Variants in RIN3 observed in about 807,000 individuals in gnomAD.
RIN3 encodes RAB5 interacting protein 3.
Under a neutral mutation model 76.3 loss-of-function variants are expected in RIN3, and 54 were observed. The observed-to-expected ratio is 0.71, with a 90% CI of 0.57 to 0.89. The LOEUF (loss-of-function observed/expected upper bound fraction) is 0.89. RIN3 is among the 40% of genes least tolerant of loss of function. The probability of loss-of-function intolerance (pLI) is 0.00; values close to 1 mark genes in which losing one functional copy is unlikely to be tolerated. For synonymous variants in RIN3, 576 were observed against 564.0 expected, an observed-to-expected ratio of 1.02 and a Z score of -0.30; for missense variants, 1,256 against 1,322.1, an observed-to-expected ratio of 0.95 and a Z score of 0.78.
chr14:92,609,163 C>T (rs1885631524), intron 3 of RIN3, among the ~76,000 whole-genome samples: 1 of 152,156 alleles, frequency 6.6e-6, no homozygotes, highest in African/African-American at 2.4e-5. Flanking sequence ...TCCTGAAAAA[C>T]TGAACCTCTT....
intron 1 of RIN3, among the ~76,000 whole-genome samples, chr14:92,532,560 C>T (rs906350767): frequency 2.6e-5 from 4 of 152,164 alleles, no homozygotes; most frequent in Non-Finnish European, 5.9e-5. Context: ...CATGGTGCAA[C>T]TCCTCCCCTC....
At chr14:92,528,561 A>C (rs1896806630) in intron 1 of RIN3, among the ~76,000 whole-genome samples, 1 of 152,152 alleles carries the variant, frequency 6.6e-6, no homozygotes, top group Non-Finnish European at 1.5e-5. Context: ...CACAGTTTGC[A>C]CTGCCTCTTG....
At chr14:92,566,688 G>A (rs138305976) in intron 2 of RIN3, among the ~76,000 whole-genome samples, 283 of 152,206 alleles carry the variant, frequency 1.9e-3, no homozygotes, top group African/African-American at 6.2e-3. Context: ...AAAAGAAGCC[G>A]CCCAGAAAGC....
At chr14:92,522,441 C>T (rs1896626284) in intron 1 of RIN3, among the ~76,000 whole-genome samples, 1 of 152,156 alleles carries the variant, frequency 6.6e-6, no homozygotes, top group African/African-American at 2.4e-5. Flanking sequence ...TTTTTATCAC[C>T]CGGTGCAAGT....
chr14:92,568,118 T>C lies in RIN3; in HGVS notation c.250-9242T>C, dbSNP rs1897964595. ...TAGTATTTGTGTTTCACTGTGTCTC[T>C]AAATAGCTGGCTGCAGGGGGGCAGA... On this transcript the variant is annotated intron_variant, in intron 2 of 9. Transcript: ENST00000216487. The surrounding 1 kb of genome is among the most constrained non-coding windows in gnomAD (Gnocchi z 4.2). 6.6e-6 allele frequency among the ~76,000 whole-genome samples: 1 copy of C among 152,102 alleles called. No homozygotes were observed. Among genetic ancestry groups the C allele is most frequent in the East Asian group, 1.9e-4 (1 of 5,188 alleles).
chr14:92,645,638 C>T (rs925727134), intron 5 of RIN3, among the ~76,000 whole-genome samples: 6 of 152,162 alleles, frequency 3.9e-5, no homozygotes, highest in Non-Finnish European at 8.8e-5. Flanking sequence ...TAAATAGGCA[C>T]GGGCTTTCTT....
At chr14:92,654,713 G>A (rs1158449106) in intron 6 of RIN3, among the ~76,000 whole-genome samples, 8 of 152,210 alleles carry the variant, frequency 5.3e-5, no homozygotes, top group South Asian at 4.1e-4. Flanking sequence ...CTGTGTGTGC[G>A]TCTGCACAGG....
At chr14:92,646,314 G>T (rs1050924760) in intron 5 of RIN3, among the ~76,000 whole-genome samples, 1 of 152,220 alleles carries the variant, frequency 6.6e-6, no homozygotes, top group Non-Finnish European at 1.5e-5. Context: ...CCTGGATTTG[G>T]CATTGGGATA....
intron 1 of RIN3, among the ~76,000 whole-genome samples, chr14:92,531,887 C>A (rs569924774): frequency 9.2e-5 from 14 of 151,758 alleles, no homozygotes; most frequent in African/African-American, 2.9e-4. Context: ...CCCCTCCCCC[C>A]AGTAAGCCCA....
chr14:92,629,130 AGAGAGAGAGAGAGAGAGAGAGAGATT>A (rs1343576353), intron 4 of RIN3, among the ~76,000 whole-genome samples: 1 of 31,582 alleles, frequency 3.2e-5, no homozygotes, highest in Non-Finnish European at 9.8e-5. Flanking sequence ...AGAGAGAGAG[AGAGAGAGAGAGAGAGAGAGAGAGATT>A]GATTGATTGA....
chr14:92,544,020 C>T (rs867794316), intron 1 of RIN3, among the ~76,000 whole-genome samples: 1 of 152,032 alleles, frequency 6.6e-6, no homozygotes, highest in Non-Finnish European at 1.5e-5. Flanking sequence ...AGCCTCCCCA[C>T]CCCCCCATCT....
Position 92,651,656 on chromosome 14 carries a change from G to T in RIN3, c.607G>T (p.Gly203Ter). 3 of 1,613,534 alleles carry T rather than the reference G, an allele frequency of 1.9e-6. No homozygotes were observed. Among genetic ancestry groups the T allele is most frequent in the Non-Finnish European group, 2.5e-6 (3 of 1,179,768 alleles). The change falls in exon 6 of 10, where the codon GGA becomes TGA. Residue 203 changes from glycine to a stop codon, truncating the protein, a stop_gained. Transcript: ENST00000216487. LOFTEE classifies it high-confidence loss of function. ...PAEPPRDRAPGFPLVSSLRPT... is the reference protein window; with the variant it reads ...PAEPPRDRAP The stretch of plus-strand genomic sequence containing the variant: ...AGAGCCCCCAAGAGACCGGGCCCCC[G>T]GATTCCCCCTAGTCTCCAGCCTCAG...
chr14:92,669,568 G>GC (rs1888218241), intron 7 of RIN3, among the ~76,000 whole-genome samples: 1 of 152,168 alleles, frequency 6.6e-6, no homozygotes, highest in Non-Finnish European at 1.5e-5. Flanking sequence ...TGAGCCTCCT[G>GC]CTGCCCCAGT....
intron 5 of RIN3, among the ~76,000 whole-genome samples, chr14:92,650,028 T>G (rs1016690212): frequency 3.3e-5 from 5 of 152,310 alleles, no homozygotes; most frequent in Admixed American, 3.3e-4. Context: ...ACATCCCTGA[T>G]AGTGCCCACC....
At chr14:92,543,435 C>T (rs1897170697) in intron 1 of RIN3, among the ~76,000 whole-genome samples, 1 of 152,046 alleles carries the variant, frequency 6.6e-6, no homozygotes, top group African/African-American at 2.4e-5. Context: ...ACAACTGCTG[C>T]TTGCTAGGGA....
intron 4 of RIN3, 38 bp downstream of exon 4, chr14:92,615,517 T>C (rs757270051): frequency 5.8e-6 from 9 of 1,549,042 alleles, no homozygotes; most frequent in Non-Finnish European, 8.0e-6. Context: ...TATCTGGTTG[T>C]AGCAAACATC....
intron 1 of RIN3, among the ~76,000 whole-genome samples, chr14:92,518,503 A>G (rs1400319692): frequency 6.6e-6 from 1 of 152,178 alleles, no homozygotes; most frequent in Admixed American, 6.5e-5. Context: ...GACCCCCACC[A>G]CAAGGCTACC....
At position 92,688,319 on chromosome 14, in the gene RIN3, C is replaced by A; in HGVS notation, c.*67C>A. The A allele has an allele frequency of 7.2e-7, 1 of 1,392,508 alleles. No individual in the cohort carries two copies. Among genetic ancestry groups the A allele is most frequent in the Non-Finnish European group, 9.5e-7 (1 of 1,050,876 alleles). The allele number at this position is 1,392,508 out of a possible 1,614,324, so 86.3% of individuals were successfully genotyped here. A position where few individuals can be genotyped will look rare whatever the true frequency, so the allele number is the denominator to read the frequency against. ...TGGCCCCGCCTCTGGCTGCGCACTCCCGACCGCGACGTCCACGCAGCAGAG... is the reference window on the plus strand; with the variant it reads ...TGGCCCCGCCTCTGGCTGCGCACTCACGACCGCGACGTCCACGCAGCAGAG... On this transcript the variant is annotated 3_prime_UTR_variant, in exon 10 of 10. Coordinates refer to ENST00000216487, the MANE Select transcript of RIN3 (RefSeq NM_024832.5).
At chr14:92,618,082 T>G (rs1886038984) in intron 4 of RIN3, among the ~76,000 whole-genome samples, 1 of 152,208 alleles carries the variant, frequency 6.6e-6, no homozygotes, top group African/African-American at 2.4e-5. Context: ...GCAGCCATAA[T>G]GAGGTACCAT....
Sources: allele counts gnomAD v4.1 joint callset (sites outside exome capture counted in the v4.1 genomes callset), GRCh38; gene constraint gnomAD v4.1.1; non-coding constraint Gnocchi (gnomAD v3.1); transcripts MANE v1.5; gene names NCBI Gene and HGNC (gene_info 2026-07-23, HGNC 2026-07-21).